Variants in ZNF782 observed in about 807,000 individuals in gnomAD.
ZNF782 encodes zinc finger protein 782.
Under a neutral mutation model 13.0 loss-of-function variants are expected in ZNF782, and 12 were observed. The ratio of observed to expected loss-of-function variants is 0.92; its 90% confidence interval spans 0.59 to 1.50. The LOEUF is 1.50. Ranked by LOEUF, ZNF782 falls within the 40% of genes most tolerant of loss-of-function variation. The pLI is 0.00. For missense variants in ZNF782, 770 were observed against 822.9 expected (o/e 0.94, Z 0.79); for synonymous variants, 284 against 283.0 (o/e 1.00, Z -0.04).
intron 4 of ZNF782, among the ~76,000 whole-genome samples, chr9:96,843,482 G>C (rs550086999): frequency 6.6e-6 from 1 of 152,258 alleles, no homozygotes; most frequent in East Asian, 1.9e-4. Flanking sequence ...AAATTATAGA[G>C]CTAGCAGATT....
upstream of ZNF782, among the ~76,000 whole-genome samples, chr9:96,878,172 C>T (rs1002251817): frequency 6.6e-6 from 1 of 152,160 alleles, no homozygotes; most frequent in Admixed American, 6.5e-5. Context: ...CCTTAGCCTC[C>T]CCAGTGGCTA....
At chr9:96,829,941 G>C (rs569602801) in intron 4 of ZNF782, among the ~76,000 whole-genome samples, 24 of 152,300 alleles carry the variant, frequency 1.6e-4, no homozygotes, top group Non-Finnish European at 2.6e-4. Context: ...GAAAGGTAGA[G>C]AGAAGACAGC....
the ZNF782 span, among the ~76,000 whole-genome samples, chr9:96,885,873 A>G: frequency 6.6e-6 from 1 of 151,394 alleles, no homozygotes; most frequent in Non-Finnish European, 1.5e-5. Context: ...ACAGAGACAG[A>G]GTCTCACTCT....
rs1475541461 is a variant in ZNF782, at chr9:96,817,981, C to T, written c.2042G>A (p.Arg681Lys). Residue 681 changes from arginine to lysine, a missense_variant, in exon 6 of 6, where the codon AGA becomes AAA. Coordinates refer to ENST00000481138, the MANE Select transcript of ZNF782 (RefSeq NM_001001662.3). ...AAGGCTTGATTTTTGACTGAAAGTTCTCCCACATTTATCACATTTATAGGG... is the reference window on the plus strand; with the variant it reads ...AAGGCTTGATTTTTGACTGAAAGTTTTCCCACATTTATCACATTTATAGGG... ...EKPYKCDKCG[R>K]TFSQKSSLRE... The T allele has an allele frequency of 1.2e-6, 2 of 1,606,768 alleles. No homozygotes were observed. The highest frequency in any genetic ancestry group is 4.5e-5 in the East Asian group (2 of 44,828).
the ZNF782 span, among the ~76,000 whole-genome samples, chr9:96,926,666 G>C: frequency 2.6e-5 from 4 of 152,142 alleles, no homozygotes; most frequent in Admixed American, 2.6e-4. Context: ...ATATTGGATA[G>C]GAGTTAGGAA....
the ZNF782 span, chr9:96,931,662 C>T: frequency 6.3e-7 from 1 of 1,598,966 alleles, no homozygotes; most frequent in East Asian, 2.3e-5. Context: ...CCTGATTCCC[C>T]AGTGACTAGA....
At chr9:96,931,803 C>T in the ZNF782 span, 1 of 1,611,766 alleles carries the variant, frequency 6.2e-7, no homozygotes, top group Non-Finnish European at 8.5e-7. Context: ...TTTGCCACAC[C>T]CTCTCCCGGC....
chr9:96,862,877 T>G (rs1851718235), intron 1 of ZNF782, among the ~76,000 whole-genome samples: 1 of 152,200 alleles, frequency 6.6e-6, no homozygotes, highest in Non-Finnish European at 1.5e-5. Context: ...TCTCAAAACC[T>G]GCAACTAATC....
chr9:96,931,818 C>A, the ZNF782 span: 3 of 1,612,210 alleles, frequency 1.9e-6, no homozygotes, highest in South Asian at 3.3e-5. Flanking sequence ...CCCGGCCCAA[C>A]ACACAGGCCG....
chr9:96,822,017 C>T (rs996996006), intron 5 of ZNF782, among the ~76,000 whole-genome samples: 4 of 152,134 alleles, frequency 2.6e-5, no homozygotes, highest in African/African-American at 7.2e-5. Flanking sequence ...CTTTGTTCTC[C>T]TTTCCAAAAT....
the ZNF782 span, chr9:96,888,635 T>C: frequency 6.6e-6 from 1 of 152,240 alleles, no homozygotes; most frequent in East Asian, 1.9e-4. Context: ...TGCCTGAGCT[T>C]AATGCAGGAT....
chr9:96,880,037 T>A (rs940908092), upstream of ZNF782, among the ~76,000 whole-genome samples: 1 of 152,068 alleles, frequency 6.6e-6, no homozygotes, highest in African/African-American at 2.4e-5. Flanking sequence ...AGTGGGGAGC[T>A]TTTTTGGAGC....
At chr9:96,832,421 T>C (rs1850835456) in intron 4 of ZNF782, among the ~76,000 whole-genome samples, 1 of 152,184 alleles carries the variant, frequency 6.6e-6, no homozygotes, top group Non-Finnish European at 1.5e-5. Flanking sequence ...CTACCAGCAT[T>C]TTTACTCTTT....
the ZNF782 span, among the ~76,000 whole-genome samples, chr9:96,917,864 C>G: frequency 7.0e-6 from 1 of 142,880 alleles, no homozygotes; most frequent in African/African-American, 2.9e-5. Context: ...GCTGGGATTA[C>G]AGATTCATAC....
chr9:96,910,179 C>G, the ZNF782 span: 2 of 837,280 alleles, frequency 2.4e-6, no homozygotes, highest in Admixed American at 1.8e-5. Context: ...GACGCCCCTG[C>G]TAACGGGAAT....
chr9:96,840,256 C>T (rs1294003633), intron 4 of ZNF782, among the ~76,000 whole-genome samples: 1 of 151,942 alleles, frequency 6.6e-6, no homozygotes, highest in East Asian at 1.9e-4. Flanking sequence ...GGTTCTTTTT[C>T]AGGTCTCTGT....
In ZNF782 at chr9:96,818,519, C is replaced by T. The variant is rs941972300; in HGVS notation, c.1504G>A (p.Gly502Arg). ...GLRNHRRTHTGERPYKCDECG... is the reference protein window; with the variant it reads ...GLRNHRRTHTRERPYKCDECG... ...TCATCACATTTATATGGTCTTTCCC[C>T]TGTGTGAGTTCTTCGGTGATTCCTT... The change falls in exon 6 of 6, where the codon GGG becomes AGG. Residue 502 changes from glycine (G) to arginine (R), a missense_variant. Coordinates refer to ENST00000481138, the MANE Select transcript of ZNF782 (RefSeq NM_001001662.3). 2 of 1,613,610 alleles carry T rather than the reference C, an allele frequency of 1.2e-6. No homozygotes were observed. The highest frequency in any genetic ancestry group is 2.7e-5 in the African/African-American group (2 of 74,874).
chr9:96,931,783 G>C, the ZNF782 span: 4 of 1,611,598 alleles, frequency 2.5e-6, no homozygotes, highest in Non-Finnish European at 3.4e-6. Context: ...CTGTGTTCAC[G>C]GCTCTGCCCT....
chr9:96,818,942 T>C lies in ZNF782; in HGVS notation c.1081A>G (p.Ile361Val), dbSNP rs1312238732. Residue 361 changes from isoleucine (I) to valine (V), a missense_variant, in exon 6 of 6, where the codon ATA (isoleucine) becomes GTA (valine). Physicochemically the swap from Ile to Val is conservative, Grantham distance 29 (BLOSUM62 3). Transcript: ENST00000481138. ...STFSVHQKVH[I>V]RAKPYEYNEC... ...TTATACTCATAGGGTTTTGCCCTTA[T>C]GTGAACCTTCTGATGTACACTGAAA... 24 of 1,614,242 alleles carry C rather than the reference T, an allele frequency of 1.5e-5. No homozygotes were observed. The highest frequency in any genetic ancestry group is 3.3e-5 in the Admixed American group (2 of 60,030).
Sources: gnomAD v4.1 joint callset for allele counts (sites outside exome capture counted in the v4.1 genomes callset) on GRCh38, gnomAD v4.1.1 for gene constraint, MANE v1.5 for transcripts, NCBI Gene and HGNC (gene_info 2026-07-23, HGNC 2026-07-21) for gene names.